NEK1: variants seen among roughly 807,000 people sequenced by gnomAD.
NEK1 encodes NIMA related kinase 1, also known as serine/threonine-protein kinase Nek1.
In NEK1, 137 loss-of-function variants were observed where a neutral mutation model predicts 182.1. The observed-to-expected ratio is 0.75, with a 90% CI of 0.65 to 0.87. The LOEUF (loss-of-function observed/expected upper bound fraction) is 0.87. Ranked by LOEUF, NEK1 falls within the 40% of genes least tolerant of loss-of-function variation. The pLI is 0.00. For synonymous variants in NEK1, 513 were observed against 492.2 expected (o/e 1.04, Z -0.56); for missense variants, 1,391 against 1,494.4 (o/e 0.93, Z 1.14).
At chr4:169,543,994 G>T (rs538502801) in intron 18 of NEK1, among the ~76,000 whole-genome samples, 2 of 152,082 alleles carry the variant, frequency 1.3e-5, no homozygotes, top group African/African-American at 4.8e-5. Context: ...TTGCCTGATT[G>T]CCCTGGCCAG....
intron 23 of NEK1, among the ~76,000 whole-genome samples, chr4:169,491,556 T>A (rs1454467905): frequency 6.6e-6 from 1 of 152,154 alleles, no homozygotes; most frequent in African/African-American, 2.4e-5. Flanking sequence ...CTTTCCCAGA[T>A]AGACAGAAGC....
chr4:169,551,492 A>G (rs1305460946), intron 18 of NEK1, among the ~76,000 whole-genome samples: 1 of 152,204 alleles, frequency 6.6e-6, no homozygotes, highest in Non-Finnish European at 1.5e-5. Context: ...TGTTAGATAA[A>G]TCATAGCACA....
Position 169,482,235 on chromosome 4 carries a change from T to C in NEK1, c.2008-2701A>G, listed in dbSNP as rs142621881. 2.4e-3 allele frequency among the ~76,000 whole-genome samples: 362 copies of C among 152,330 alleles called. 2 individuals are homozygous for C. The highest frequency in any genetic ancestry group is 4.5e-3 in the Admixed American group (69 of 15,300). Reference sequence around the variant, plus strand: ...ATGTTGCGGCTGGTTTGATCTTCTATCTAGACCACTAAAGCTTTCTCCATA... The same window carrying C: ...ATGTTGCGGCTGGTTTGATCTTCTACCTAGACCACTAAAGCTTTCTCCATA... On this transcript the variant is annotated intron_variant, in intron 23 of 35. Transcript: ENST00000507142.
Position 169,426,192 on chromosome 4 carries a change from T to A in NEK1, c.2928A>T (p.Glu976Asp). The A allele has an allele frequency of 6.2e-7, 1 of 1,613,736 alleles. No homozygotes were observed. The highest frequency in any genetic ancestry group is 8.5e-7 in the Non-Finnish European group (1 of 1,179,792). ...RITIQENEVS[E>D]DGVSSTVDQL... ...GGTCCACAGTACTCGAGACTCCATC[T>A]TCAGAAACTTCATTTTCCTGAATGG... is the stretch of plus-strand genomic sequence containing the variant. The change falls in exon 30 of 36, where the codon GAA (glutamate) becomes GAT (aspartate). Residue 976 changes from glutamate to aspartate, a missense_variant. Glu to Asp is a conservative substitution (Grantham distance 45). Coordinates refer to ENST00000507142, the MANE Select transcript of NEK1 (RefSeq NM_001199397.3).
chr4:169,477,800 GAAAATTAGAGGAAAAAGTA>G (rs1747247801), intron 24 of NEK1, among the ~76,000 whole-genome samples: 1 of 151,592 alleles, frequency 6.6e-6, no homozygotes, highest in Admixed American at 6.6e-5. Context: ...ATTTAAGTCA[GAAAATTAGAGGAAAAAGTA>G]GAAATTAGAG....
At chr4:169,528,955 C>A (rs1422176248) in intron 19 of NEK1, among the ~76,000 whole-genome samples, 1 of 151,868 alleles carries the variant, frequency 6.6e-6, no homozygotes, top group African/African-American at 2.4e-5. Context: ...AACCAGAAAA[C>A]GACAACAGAG....
intron 6 of NEK1, among the ~76,000 whole-genome samples, 199 bp downstream of exon 6, chr4:169,590,527 A>C (rs1230826501): frequency 2.0e-5 from 3 of 152,038 alleles, no homozygotes; most frequent in Non-Finnish European, 2.9e-5. Flanking sequence ...AGTTTCAGAG[A>C]CTGGGAAGGA....
intron 23 of NEK1, among the ~76,000 whole-genome samples, chr4:169,488,852 A>G (rs949287606): frequency 1.3e-5 from 2 of 152,066 alleles, no homozygotes; most frequent in Non-Finnish European, 2.9e-5. Context: ...TAGTTAAATA[A>G]CTTTAATCAA....
intron 18 of NEK1, among the ~76,000 whole-genome samples, chr4:169,547,222 T>C (rs1231637359): frequency 6.6e-6 from 1 of 152,232 alleles, no homozygotes; most frequent in Non-Finnish European, 1.5e-5. Flanking sequence ...TATTTCTCCT[T>C]CACTTATGAA....
intron 31 of NEK1, among the ~76,000 whole-genome samples, chr4:169,407,587 A>G (rs1435659602): frequency 1.3e-5 from 2 of 152,244 alleles, no homozygotes; most frequent in South Asian, 2.1e-4. Context: ...TCCGTACTGG[A>G]TAAGGGATAA....
chr4:169,491,624 C>A (rs538321480), intron 23 of NEK1, among the ~76,000 whole-genome samples: 1 of 152,046 alleles, frequency 6.6e-6, no homozygotes, highest in Admixed American at 6.6e-5. Context: ...AGTTCTTCAA[C>A]CAGAAACAAA....
chr4:169,470,106 T>C (rs1413489981), intron 26 of NEK1, among the ~76,000 whole-genome samples: 1 of 152,180 alleles, frequency 6.6e-6, no homozygotes, highest in African/African-American at 2.4e-5. Flanking sequence ...GTCTTTTAAT[T>C]GGGGCATTTA....
chr4:169,563,722 T>A (rs1222550723), intron 12 of NEK1, among the ~76,000 whole-genome samples: 2 of 152,230 alleles, frequency 1.3e-5, no homozygotes, highest in Non-Finnish European at 2.9e-5. Context: ...CTGCCATAGG[T>A]TTCAGGTGTG....
intron 5 of NEK1, among the ~76,000 whole-genome samples, chr4:169,593,144 CAAAA>C (rs70964212): frequency 7.6e-6 from 1 of 131,056 alleles, no homozygotes; most frequent in Non-Finnish European, 1.7e-5. Context: ...CAGGAACTAG[CAAAA>C]AAAAAAAAAA....
chr4:169,452,186 A>C (rs141830701), intron 27 of NEK1, among the ~76,000 whole-genome samples: 10,014 of 152,270 alleles, frequency 0.066, 376 homozygotes, highest in African/African-American at 0.1. Context: ...ATAGCTTACC[A>C]ACCAAAAGAA....
chr4:169,463,139 G>C lies in NEK1; in HGVS notation c.2587+104C>G, dbSNP rs182010165. On this transcript the variant is annotated intron_variant, in intron 27 of 35. Coordinates refer to ENST00000507142, the MANE Select transcript of NEK1 (RefSeq NM_001199397.3). ...AATTAAAAAATTATTATAAGAGAAAGATAATTAAAAATAATTCACTTAAAA... is the reference window on the plus strand; with the variant it reads ...AATTAAAAAATTATTATAAGAGAAACATAATTAAAAATAATTCACTTAAAA... The C allele has an allele frequency of 1.4e-5, 9 of 634,130 alleles. No homozygotes were observed. In the Admixed American group the frequency reaches 3.6e-4, roughly 26 times the overall value. The allele number at this position is 634,130 out of a possible 1,614,324, so 39.3% of individuals were successfully genotyped here. A position where few individuals can be genotyped will look rare whatever the true frequency, so the allele number is the denominator to read the frequency against.
intron 26 of NEK1, among the ~76,000 whole-genome samples, chr4:169,468,254 GAT>G (rs1745291810): frequency 6.6e-6 from 1 of 151,972 alleles, no homozygotes; most frequent in South Asian, 2.1e-4. Flanking sequence ...CTGTTTATAT[GAT>G]ATTCTAGAAC....
intron 29 of NEK1, among the ~76,000 whole-genome samples, chr4:169,428,373 A>ATATATATATATATATATAT (rs1236979580): frequency 8.5e-5 from 2 of 23,642 alleles, no homozygotes; most frequent in Non-Finnish European, 2.7e-4. Context: ...TATATATATA[A>ATATATATATATATATATAT]TGGAATATTA....
At chr4:169,532,651 T>C (rs1757853993) in intron 19 of NEK1, among the ~76,000 whole-genome samples, 1 of 152,048 alleles carries the variant, frequency 6.6e-6, no homozygotes, top group African/African-American at 2.4e-5. Context: ...TAAAGTCTAT[T>C]TGCTGGGCAT....
Sources: allele counts gnomAD v4.1 joint callset (sites outside exome capture counted in the v4.1 genomes callset), GRCh38; gene constraint gnomAD v4.1.1; transcripts MANE v1.5; gene names NCBI Gene and HGNC (gene_info 2026-07-23, HGNC 2026-07-21).